LIN54: variants seen among roughly 807,000 people sequenced by gnomAD.
LIN54 encodes lin-54 DREAM MuvB core complex component.
Under a neutral mutation model 78.7 loss-of-function variants are expected in LIN54, and 9 were observed. That is an observed-to-expected ratio of 0.11 (90% CI 0.07 to 0.20). The LOEUF (loss-of-function observed/expected upper bound fraction) is 0.20, where lower values mean the gene tolerates loss of function less well. Among genes scored for constraint, LIN54 ranks in the 10% least tolerant of loss-of-function variants. The pLI, the probability that LIN54 is intolerant of heterozygous loss-of-function variation, is 1.00. For synonymous variants in LIN54, 269 were observed against 318.4 expected (o/e 0.84, Z 1.65); for missense variants, 573 against 889.9 (o/e 0.64, Z 4.53).
chr4:83,010,630 G>A lies in LIN54; in HGVS notation c.-179C>T. ...TTCCTTTCCCAGTTTGTCCAAACTG[G>A]AGCGCTCCAGGGTACCCGGGGACCG... is the stretch of plus-strand genomic sequence containing the variant. On this transcript the variant is annotated 5_prime_UTR_variant, in exon 1 of 13. Transcript: ENST00000340417. 8.1e-7 allele frequency: 1 copy of A among 1,230,732 alleles called. No homozygotes were observed. Among genetic ancestry groups the A allele is most frequent in the Non-Finnish European group, 1.0e-6 (1 of 987,118 alleles). The allele number at this position is 1,230,732 out of a possible 1,614,324, so 76.2% of individuals were successfully genotyped here. A position where few individuals can be genotyped will look rare whatever the true frequency, so the allele number is the denominator to read the frequency against.
intron 4 of LIN54, among the ~76,000 whole-genome samples, chr4:82,967,118 C>T (rs1418870767): frequency 5.3e-5 from 8 of 151,042 alleles, no homozygotes; most frequent in Admixed American, 4.6e-4. Context: ...CCCAGCTACT[C>T]GGGACGCTGA....
At position 82,967,096 on chromosome 4, in the gene LIN54, C is replaced by A. The variant is rs145843989; in HGVS notation, c.951+3231G>T. The stretch of plus-strand genomic sequence containing the variant: ...TAGAAAAATTAGCTGGGTGGTGGCA[C>A]ATGCCTGTAATCCCAGCTACTCGGG... On this transcript the variant is annotated intron_variant, in intron 4 of 12. Coordinates refer to ENST00000340417, the MANE Select transcript of LIN54 (RefSeq NM_194282.4). Among the ~76,000 whole-genome samples the A allele has an allele frequency of 3.3e-3, 505 of 151,648 alleles. 6 individuals carry two copies. The highest frequency in any genetic ancestry group is 0.011 in the African/African-American group (469 of 41,372).
chr4:83,009,693 G>A lies in LIN54; in HGVS notation c.-33+791C>T, dbSNP rs1729697476. Among the ~76,000 whole-genome samples, 4 of 152,118 alleles carry A rather than the reference G, an allele frequency of 2.6e-5. No individual in the cohort carries two copies. In the South Asian group the frequency reaches 8.3e-4, roughly 32 times the overall value. ...CATTTAGTGATTTAGAAATAACAGAGGTCTCAATTTATTTTTCCCAACTTA... is the reference window on the plus strand; with the variant it reads ...CATTTAGTGATTTAGAAATAACAGAAGTCTCAATTTATTTTTCCCAACTTA... On this transcript the variant is annotated intron_variant, in intron 1 of 12. Coordinates refer to ENST00000340417, the MANE Select transcript of LIN54 (RefSeq NM_194282.4).
At chr4:82,944,360 ACTG>A (rs1723182145) in intron 5 of LIN54, among the ~76,000 whole-genome samples, 1 of 152,224 alleles carries the variant, frequency 6.6e-6, no homozygotes, top group South Asian at 2.1e-4. Context: ...ATATATAATG[ACTG>A]CTTTCTATCA....
rs773532189 is a variant in LIN54, at chr4:82,978,979, A to C, written c.712T>G (p.Ser238Ala). 2 of 1,592,578 alleles carry C rather than the reference A, an allele frequency of 1.3e-6. No individual in the cohort carries two copies. Among genetic ancestry groups the C allele is most frequent in the South Asian group, 1.1e-5 (1 of 88,324 alleles). Residue 238 changes from serine to alanine, a missense_variant, in exon 3 of 13, where the codon TCT becomes GCT. Ser to Ala is a moderately conservative substitution (Grantham distance 99). Around this residue, in one of 6 missense-constraint regions of LIN54, gnomAD observed 199 missense variants for 260.9 expected, o/e 0.76. Coordinates refer to ENST00000340417, the MANE Select transcript of LIN54 (RefSeq NM_194282.4). Reference sequence around the variant, plus strand: ...ATCAGCTTCGTGATTACTGGACCAGAGGTTGGCGTTCGAGGCTTCTTAGCA... The same window carrying C: ...ATCAGCTTCGTGATTACTGGACCAGCGGTTGGCGTTCGAGGCTTCTTAGCA... ...QIAKKPRTPT[S>A]GPVITKLIFA... is the part of the protein sequence containing the mutation.
At chr4:82,976,009 A>T (rs931923440) in intron 3 of LIN54, among the ~76,000 whole-genome samples, 5 of 152,232 alleles carry the variant, frequency 3.3e-5, no homozygotes, top group African/African-American at 1.2e-4. Context: ...GTCAGCCGCA[A>T]GGAACGGCAA....
At chr4:82,985,448 T>C (rs1341723500) in intron 1 of LIN54, among the ~76,000 whole-genome samples, 1 of 152,236 alleles carries the variant, frequency 6.6e-6, no homozygotes, top group Non-Finnish European at 1.5e-5. Flanking sequence ...CAAATAGCAT[T>C]TGTGGTACAA....
Position 82,978,877 on chromosome 4 carries a change from T to C in LIN54, c.808+6A>G. 6.6e-7 allele frequency: 1 copy of C among 1,504,270 alleles called. No homozygotes were observed. 93.2% of individuals were successfully genotyped at this position (1,504,270 alleles called of 1,614,324 possible). A position where few individuals can be genotyped will look rare whatever the true frequency, so the allele number is the denominator to read the frequency against. ...TTTAGCTTAATAAACTATAAAGAAA[T>C]ATAACCTGCAATAACTGGTGGTGAA... On this transcript the variant is annotated splice_donor_region_variant and intron_variant, in intron 3 of 12. Transcript: ENST00000340417.
intron 1 of LIN54, among the ~76,000 whole-genome samples, chr4:82,989,310 A>G (rs566505264): frequency 6.6e-6 from 1 of 152,326 alleles, no homozygotes; most frequent in Non-Finnish European, 1.5e-5. Context: ...GGGACACCAA[A>G]GTACTAGCAC....
chr4:83,005,067 G>A (rs1255150503), intron 1 of LIN54, among the ~76,000 whole-genome samples: 1 of 151,834 alleles, frequency 6.6e-6, no homozygotes, highest in Non-Finnish European at 1.5e-5. Flanking sequence ...GTTCATGTTT[G>A]TATTTTTTAG....
intron 4 of LIN54, among the ~76,000 whole-genome samples, chr4:82,947,587 A>C (rs1723510227): frequency 1.3e-5 from 2 of 152,102 alleles, no homozygotes; most frequent in Non-Finnish European, 2.9e-5. Context: ...TATTTTTAAA[A>C]TTAAAGACTG....
At chr4:82,979,695 C>G (rs1385366192) in intron 2 of LIN54, among the ~76,000 whole-genome samples, 1 of 151,912 alleles carries the variant, frequency 6.6e-6, no homozygotes, top group African/African-American at 2.4e-5. Context: ...TCCCAGCACT[C>G]TGGGAGGCTG....
chr4:83,001,709 G>A lies in LIN54; in HGVS notation c.-33+8775C>T, dbSNP rs181666520. On this transcript the variant is annotated intron_variant, in intron 1 of 12. Coordinates refer to ENST00000340417, the MANE Select transcript of LIN54 (RefSeq NM_194282.4). The stretch of plus-strand genomic sequence containing the variant: ...AAATACAAAAAAAAATTAGCTGGGC[G>A]TGGTGGCGGGCGCCTGTTGTCCCAG... 3.5e-3 allele frequency among the ~76,000 whole-genome samples: 525 copies of A among 149,522 alleles called. 4 individuals are homozygous for A. The highest frequency in any genetic ancestry group is 0.012 in the African/African-American group (489 of 40,320).
chr4:82,949,047 G>T (rs1421497726), intron 4 of LIN54, among the ~76,000 whole-genome samples: 1 of 152,038 alleles, frequency 6.6e-6, no homozygotes, highest in African/African-American at 2.4e-5. Context: ...GGGATTGCTG[G>T]GTCATGTGGT....
intron 4 of LIN54, among the ~76,000 whole-genome samples, chr4:82,952,144 A>T (rs568606148): frequency 6.6e-6 from 1 of 152,360 alleles, no homozygotes; most frequent in South Asian, 2.1e-4. Context: ...AAAAATTTTT[A>T]AATTTTGTGC....
At chr4:82,930,769 C>A (rs1721881437) in intron 12 of LIN54, among the ~76,000 whole-genome samples, 174 bp downstream of exon 12, 1 of 152,134 alleles carries the variant, frequency 6.6e-6, no homozygotes, top group African/African-American at 2.4e-5. Context: ...GCACAATAAT[C>A]TGACAGTGGT....
At chr4:82,999,323 G>A (rs1452123475) in intron 1 of LIN54, among the ~76,000 whole-genome samples, 1 of 152,312 alleles carries the variant, frequency 6.6e-6, no homozygotes, top group Non-Finnish European at 1.5e-5. Context: ...GTCTACAGCT[G>A]CAGTTGCCCA....
rs1231920225 is a variant in LIN54 at position 82,928,297 on chromosome 4, T to C, written c.2055A>G (p.Pro685=). 6.2e-7 allele frequency: 1 copy of C among 1,613,314 alleles called. No individual in the cohort carries two copies. Among genetic ancestry groups the C allele is most frequent in the South Asian group, 1.1e-5 (1 of 91,062 alleles). The change falls in exon 13 of 13, where the codon CCA becomes CCG. Residue 685 remains proline (P), a synonymous_variant. Transcript: ENST00000340417. ...PALNSGGGKL[P]FTFVTKEVAE... ...CTACTTCCTTAGTTACAAATGTAAA[T>C]GGCAATCTGAAATGATTTTTGAAAG...
At chr4:82,951,465 A>C (rs903464280) in intron 4 of LIN54, among the ~76,000 whole-genome samples, 4 of 152,174 alleles carry the variant, frequency 2.6e-5, no homozygotes, top group African/African-American at 9.7e-5. Context: ...TAGACAAACT[A>C]TAAGGTATCA....
Sources: allele counts gnomAD v4.1 joint callset (sites outside exome capture counted in the v4.1 genomes callset), GRCh38; gene constraint gnomAD v4.1.1; regional missense constraint gnomAD v4.1.1; transcripts MANE v1.5; gene names NCBI Gene and HGNC (gene_info 2026-07-23, HGNC 2026-07-21).